Variants in GPN1 observed in about 807,000 individuals in gnomAD.
GPN1 encodes GPN-loop GTPase 1, also known as ATP(GTP)-binding protein.
A neutral mutation model predicts 55.9 loss-of-function variants in GPN1; 44 were observed. The ratio of observed to expected loss-of-function variants is 0.79; its 90% CI spans 0.62 to 1.01. GPN1 has a LOEUF of 1.01. GPN1 is among the 50% of genes least tolerant of loss of function. The probability of loss-of-function intolerance (pLI) is 0.00; values close to 1 mark genes in which losing one functional copy is unlikely to be tolerated. For synonymous variants in GPN1, 179 were observed against 162.5 expected, an observed-to-expected ratio of 1.10 and a Z score of -0.77; for missense variants, 466 against 462.8, an observed-to-expected ratio of 1.01 and a Z score of -0.06.
rs763463731 is a variant in GPN1 at position 27,629,901 on chromosome 2, G to T, written c.154G>T (p.Val52Leu). 1 of 1,610,844 alleles carries T rather than the reference G, an allele frequency of 6.2e-7. No homozygotes were observed. Among genetic ancestry groups the T allele is most frequent in the East Asian group, 2.2e-5 (1 of 44,864 alleles). The change falls in exon 2 of 14, where the codon GTG (valine) becomes TTG (leucine). Residue 52 changes from valine (V) to leucine (L), a missense_variant. Physicochemically the swap from Val to Leu is conservative, Grantham distance 32. Transcript: ENST00000610189. ...GCATGCCCAAGGCACTCCACCGTAT[G>T]TGATCAACCTGGATCCAGCAGTACA... ...HLHAQGTPPY[V>L]INLDPAVHEV...
rs1321545667 is a variant in GPN1 at position 27,631,973 on chromosome 2, A to G, written c.312+73A>G. ...CTCTTAAATTCCTTAGCTTGATCAC[A>G]TTGGTAAAGAAGAGCAGCAAACCTG... On this transcript the variant is annotated intron_variant, in intron 4 of 13. Transcript: ENST00000610189. The G allele has an allele frequency of 6.8e-6, 6 of 884,716 alleles. No individual in the cohort carries two copies. The African/African-American group carries it at 9.8e-5, about 15-fold the overall frequency. 54.8% of individuals were successfully genotyped at this position (884,716 alleles called of 1,614,324 possible). A position where few individuals can be genotyped will look rare whatever the true frequency, so the allele number is the denominator to read the frequency against.
chr2:27,631,629 C>T (rs1367986290), intron 3 of GPN1: 2 of 588,254 alleles, frequency 3.4e-6, no homozygotes, highest in African/African-American at 1.9e-5. Context: ...TTTTGCCTGA[C>T]CACTCCTTAA....
At chr2:27,632,091 A>G (rs1673578549) in intron 4 of GPN1, among the ~76,000 whole-genome samples, 191 bp downstream of exon 4, 1 of 152,198 alleles carries the variant, frequency 6.6e-6, no homozygotes, top group Non-Finnish European at 1.5e-5. Flanking sequence ...CAAATTTAAT[A>G]TTTGTGACAG....
In GPN1 at chr2:27,650,198, TAGG is replaced by T. The variant is rs780628428; in HGVS notation, c.*1_*3del. ...ACAATACTGGAAGAGAAACAATAAA[TAGG>T]AGACTTTAGCACACTTCACTTGTTT... On this transcript the variant is annotated stop_retained_variant and 3_prime_UTR_variant, in exon 14 of 14. Transcript: ENST00000610189. 6.4e-7 allele frequency: 1 copy of T among 1,554,190 alleles called. No individual in the cohort carries two copies. Among genetic ancestry groups the T allele is most frequent in the African/African-American group, 1.4e-5 (1 of 73,750 alleles).
rs376534798 is a variant in GPN1 at position 27,639,041 on chromosome 2, C to T, written c.717+10C>T. 1.9e-6 allele frequency: 3 copies of T among 1,595,434 alleles called. No individual in the cohort carries two copies. The Admixed American group carries it at 5.1e-5, about 27-fold the overall frequency. ...TTACAGCTCACTCAGGGTAAATTTT[C>T]TCTCCTGCTCACACTGACAGCCTCT... On this transcript the variant is annotated intron_variant, in intron 9 of 13. Coordinates refer to ENST00000610189, the MANE Select transcript of GPN1 (RefSeq NM_007266.4).
chr2:27,634,917 A>G lies in GPN1; in HGVS notation c.422A>G (p.Glu141Gly). 1.3e-6 allele frequency: 2 copies of G among 1,585,234 alleles called. No individual in the cohort carries two copies. The change falls in exon 6 of 14, where the codon GAA becomes GGA. Residue 141 changes from glutamate (E) to glycine (G), a missense_variant. Glu to Gly is a moderately conservative substitution (Grantham distance 98). Transcript: ENST00000610189. ...TWSASGTIIT[E>G]ALASSFPTVV... ...TCAGCTTCTGGGACAATTATCACTGAAGCCCTTGTGAGTATTCTAGGACTT... is the reference window on the plus strand; with the variant it reads ...TCAGCTTCTGGGACAATTATCACTGGAGCCCTTGTGAGTATTCTAGGACTT...
At position 27,650,125 on chromosome 2, in the gene GPN1, A is replaced by C. The variant is rs928059381; in HGVS notation, c.1050A>C (p.Glu350Asp). The C allele has an allele frequency of 6.3e-7, 1 of 1,595,760 alleles. No homozygotes were observed. Reference protein sequence around the residue: ...TDDIDHRVTEESHEEPAFQNF... With the variant: ...TDDIDHRVTEDSHEEPAFQNF... ...CTTTTTTCCTTGCAGTTACAGAGGAAAGCCATGAAGAGCCAGCATTCCAGA... is the reference window on the plus strand; with the variant it reads ...CTTTTTTCCTTGCAGTTACAGAGGACAGCCATGAAGAGCCAGCATTCCAGA... The change falls in exon 14 of 14, where the codon GAA (glutamate) becomes GAC (aspartate). Residue 350 changes from glutamate to aspartate, a missense_variant. Glu to Asp is a conservative substitution (Grantham distance 45, BLOSUM62 2). Coordinates refer to ENST00000610189, the MANE Select transcript of GPN1 (RefSeq NM_007266.4).
intron 11 of GPN1, chr2:27,642,216 T>C (rs951683848): frequency 2.4e-5 from 12 of 505,678 alleles, no homozygotes; most frequent in African/African-American, 2.3e-4. Flanking sequence ...CTGAACCCTC[T>C]AAATCAGTCT....
chr2:27,636,279 C>T (rs1291071234), intron 7 of GPN1, among the ~76,000 whole-genome samples: 1 of 152,150 alleles, frequency 6.6e-6, no homozygotes, highest in East Asian at 1.9e-4. Flanking sequence ...GGGCATGCCT[C>T]ACTAGATTAG....
In GPN1 at chr2:27,647,714, A is replaced by C. The variant is rs1419017991; in HGVS notation, c.932-122A>C. On this transcript the variant is annotated intron_variant, in intron 12 of 13. Transcript: ENST00000610189. The stretch of plus-strand genomic sequence containing the variant: ...TATTAACAATACATTTAGAAGAGGT[A>C]AGATCCTGCGTTTATATGTATCATG... The C allele has an allele frequency of 6.3e-6, 4 of 636,822 alleles. No homozygotes were observed. The African/African-American group carries it at 7.2e-5, about 12-fold the overall frequency. 39.4% of individuals were successfully genotyped at this position (636,822 alleles called of 1,614,324 possible). A position where few individuals can be genotyped will look rare whatever the true frequency, so the allele number is the denominator to read the frequency against.
intron 12 of GPN1, among the ~76,000 whole-genome samples, chr2:27,645,580 G>C (rs1371547126): frequency 6.6e-6 from 1 of 151,876 alleles, no homozygotes; most frequent in Non-Finnish European, 1.5e-5. Context: ...GTATTTGTCA[G>C]GTCTACTTGT....
intron 13 of GPN1, among the ~76,000 whole-genome samples, chr2:27,649,072 C>T (rs1003787564): frequency 2.6e-5 from 4 of 151,670 alleles, no homozygotes; most frequent in Admixed American, 6.6e-5. Context: ...GGTGAAACCC[C>T]ATCTCTACTA....
At position 27,635,140 on chromosome 2, in the gene GPN1, G is replaced by T. The variant is rs757483208; in HGVS notation, c.430G>T (p.Ala144Ser). The T allele has an allele frequency of 1.9e-5, 29 of 1,563,102 alleles. No homozygotes were observed. Among genetic ancestry groups the T allele is most frequent in the Non-Finnish European group, 2.6e-5 (29 of 1,136,476 alleles). The change falls in exon 7 of 14, where the codon GCA (alanine) becomes TCA (serine). Residue 144 changes from alanine to serine, a missense_variant and splice_region_variant. Transcript: ENST00000610189. ...GGCTTTGATTTTTTTGTGGCTTTAGGCATCCTCATTTCCAACAGTTGTCAT... is the reference window on the plus strand; with the variant it reads ...GGCTTTGATTTTTTTGTGGCTTTAGTCATCCTCATTTCCAACAGTTGTCAT... ...ASGTIITEAL[A>S]SSFPTVVIYV...
rs1476146927 is a variant in GPN1 at position 27,639,176 on chromosome 2, T to C, written c.717+145T>C. Reference sequence around the variant, plus strand: ...GCATTGCTTATTAAAAATTGTGGAGTGTACAAGAAGAATAAGATAGGGACC... The same window carrying C: ...GCATTGCTTATTAAAAATTGTGGAGCGTACAAGAAGAATAAGATAGGGACC... On this transcript the variant is annotated intron_variant, in intron 9 of 13. Transcript: ENST00000610189. 6 of 655,062 alleles carry C rather than the reference T, an allele frequency of 9.2e-6. No homozygotes were observed. The Admixed American group carries it at 1.2e-4, about 13-fold the overall frequency. 40.6% of individuals were successfully genotyped at this position (655,062 alleles called of 1,614,324 possible).
intron 2 of GPN1, 128 bp downstream of exon 2, chr2:27,630,080 G>A (rs1673476522): frequency 3.1e-6 from 2 of 639,864 alleles, no homozygotes; most frequent in East Asian, 5.8e-5. Context: ...GAGGTCAGGA[G>A]TTCAAGACCA....
At chr2:27,648,614 T>A (rs1309851903) in intron 13 of GPN1, among the ~76,000 whole-genome samples, 2 of 152,196 alleles carry the variant, frequency 1.3e-5, no homozygotes, top group Non-Finnish European at 2.9e-5. Context: ...CATAGTTTTA[T>A]GGACTGTGCG....
intron 7 of GPN1, 64 bp downstream of exon 7, chr2:27,635,298 C>CTATTTTTTT: frequency 2.2e-6 from 1 of 445,276 alleles, no homozygotes; most frequent in Non-Finnish European, 3.6e-6. Flanking sequence ...CTTCTTCTTC[C>CTATTTTTTT]TCTTTTTTTT....
rs761375294 is a variant in GPN1, at chr2:27,629,063, C to T, written c.5C>T (p.Ala2Val). ...GTGGGTGGGGCCAGGAGGAAGATGG[C>T]GGCGTCCGCAGCTGCCGCTGAGCTC... M[A>V]ASAAAAELQA... The change falls in exon 1 of 14, where the codon GCG (alanine) becomes GTG (valine). Residue 2 changes from alanine to valine, a missense_variant. Ala to Val is a moderately conservative substitution (Grantham distance 64). Transcript: ENST00000610189. 4 of 1,613,996 alleles carry T rather than the reference C, an allele frequency of 2.5e-6. No individual in the cohort carries two copies. The East Asian group carries it at 6.7e-5, about 27-fold the overall frequency.
At chr2:27,628,802 G>A, upstream of GPN1, 2 of 1,504,448 alleles carry the variant, frequency 1.3e-6, no homozygotes, top group Non-Finnish European at 1.8e-6. Context: ...AGCCCTCCCA[G>A]GCTGCAGAGA....
Sources: allele counts gnomAD v4.1 joint callset (sites outside exome capture counted in the v4.1 genomes callset), GRCh38; gene constraint gnomAD v4.1.1; transcripts MANE v1.5; gene names NCBI Gene and HGNC (gene_info 2026-07-23, HGNC 2026-07-21).